COP1: variants seen among roughly 807,000 people sequenced by gnomAD.
COP1 encodes the protein E3 ubiquitin-protein ligase COP1.
Under a neutral mutation model 101.3 loss-of-function variants are expected in COP1, and 24 were observed. The ratio of observed to expected loss-of-function variants is 0.24; its 90% CI spans 0.17 to 0.33. COP1 has a LOEUF of 0.33. Ranked by LOEUF, COP1 falls within the 10% of genes least tolerant of loss-of-function variation. COP1 has a pLI of 1.00. For synonymous variants in COP1, 347 were observed against 341.9 expected, an observed-to-expected ratio of 1.01 and a Z score of -0.17; for missense variants, 663 against 906.2, an observed-to-expected ratio of 0.73 and a Z score of 3.45.
chr1:176,089,981 G>C (rs1003361835), intron 9 of COP1, among the ~76,000 whole-genome samples: 3 of 152,152 alleles, frequency 2.0e-5, no homozygotes, highest in African/African-American at 4.8e-5. Context: ...GAGATTAACT[G>C]AGAGTCCAGC....
chr1:176,149,185 C>G, intron 5 of COP1, 111 bp from the exon 6 acceptor site: 1 of 495,672 alleles, frequency 2.0e-6, no homozygotes. Flanking sequence ...CATTTAAGTT[C>G]GTCTATTATT....
intron 8 of COP1, among the ~76,000 whole-genome samples, chr1:176,120,550 C>A (rs1038923678): frequency 2.6e-5 from 4 of 152,088 alleles, no homozygotes; most frequent in Non-Finnish European, 4.4e-5. Context: ...TGAAACAGTT[C>A]TTAATGTTCT....
At chr1:176,075,142 T>G (rs1267989849) in intron 11 of COP1, among the ~76,000 whole-genome samples, 1 of 152,202 alleles carries the variant, frequency 6.6e-6, no homozygotes, top group African/African-American at 2.4e-5. Context: ...ACGTTATCAA[T>G]GATTTTTTGT....
intron 11 of COP1, among the ~76,000 whole-genome samples, chr1:176,065,580 A>G (rs1468029863): frequency 1.3e-5 from 2 of 152,230 alleles, no homozygotes. Flanking sequence ...GCTGAGGACA[A>G]TGGAAAAAGA....
chr1:176,168,462 G>GAGGGAGGA (rs1172226614), intron 3 of COP1, among the ~76,000 whole-genome samples: 1 of 145,700 alleles, frequency 6.9e-6, no homozygotes, highest in Admixed American at 7.0e-5. Flanking sequence ...GGAAGCGAGG[G>GAGGGAGGA]AGGGAGGAAG....
chr1:176,158,482 T>C (rs1463761833), intron 5 of COP1, among the ~76,000 whole-genome samples: 1 of 152,060 alleles, frequency 6.6e-6, no homozygotes, highest in African/African-American at 2.4e-5. Context: ...AAATGGGTAA[T>C]ATAAGACTTG....
At chr1:175,990,991 G>A (rs1273635110) in intron 15 of COP1, among the ~76,000 whole-genome samples, 1 of 151,738 alleles carries the variant, frequency 6.6e-6, no homozygotes, top group Non-Finnish European at 1.5e-5. Flanking sequence ...TTATTAATAG[G>A]TTGCACATCT....
At position 176,057,523 on chromosome 1, in the gene COP1, G is replaced by C. The variant is rs545288156; in HGVS notation, c.1278-11199C>G. 1.5e-3 allele frequency among the ~76,000 whole-genome samples: 228 copies of C among 152,326 alleles called. 1 individual carries two copies. The highest frequency in any genetic ancestry group is 5.2e-3 in the African/African-American group (218 of 41,590). ...TTGGTTTTCGTATTTTTTTGGTGGA[G>C]ACGGGGTTTCGCTGTGTTGGCCGGG... On this transcript the variant is annotated intron_variant, in intron 11 of 19. Transcript: ENST00000367669.
rs57110017 is a variant in COP1, at chr1:175,998,063, T to TAAAAAAA, written c.1730-8591_1730-8585dup. ...TGTACCCTAAAACTTAGAGTATAAT[T>TAAAAAAA]AAAAAAAAAAAAAAAAAAAAAAAAA... On this transcript the variant is annotated intron_variant, in intron 15 of 19. Coordinates refer to ENST00000367669, the MANE Select transcript of COP1 (RefSeq NM_022457.7). 2.1e-3 allele frequency among the ~76,000 whole-genome samples: 138 copies of TAAAAAAA among 66,810 alleles called. 2 individuals are homozygous for TAAAAAAA. The highest frequency in any genetic ancestry group is 8.0e-3 in the African/African-American group (101 of 12,698). The allele number at this position is 66,810 out of a possible 152,430, so 43.8% of individuals were successfully genotyped here. A position where few individuals can be genotyped will look rare whatever the true frequency, so the allele number is the denominator to read the frequency against.
At chr1:176,019,463 AAAT>A (rs34362717) in intron 15 of COP1, among the ~76,000 whole-genome samples, 46,817 of 132,000 alleles carry the variant, frequency 0.35, 8,549 homozygotes, top group East Asian at 0.55. Context: ...ACTCCATCTC[AAAT>A]AATAATAATA....
chr1:176,086,337 T>C (rs1183342445), intron 9 of COP1, among the ~76,000 whole-genome samples: 1 of 150,856 alleles, frequency 6.6e-6, no homozygotes, highest in East Asian at 2.0e-4. Context: ...GACATTCTCC[T>C]GCCTCAGCCT....
intron 14 of COP1, among the ~76,000 whole-genome samples, chr1:176,040,612 C>T (rs555317959): frequency 6.6e-6 from 1 of 152,162 alleles, no homozygotes; most frequent in South Asian, 2.1e-4. Flanking sequence ...GCCTGGCTGA[C>T]GAGTTCTTAA....
At chr1:176,189,854 CAAT>C (rs1482583447) in intron 1 of COP1, among the ~76,000 whole-genome samples, 1 of 151,076 alleles carries the variant, frequency 6.6e-6, no homozygotes, top group Non-Finnish European at 1.5e-5. Context: ...AATACAATAA[CAAT>C]AATTAAAAAA....
intron 1 of COP1, among the ~76,000 whole-genome samples, chr1:176,187,307 CACACATATATACACACACATAT>C (rs1343083303): frequency 1.3e-5 from 2 of 151,968 alleles, no homozygotes; most frequent in African/African-American, 2.4e-5. Context: ...TATATACATA[CACACATATATACACACACATAT>C]ACACATATAT....
chr1:176,005,556 T>C (rs1197226035), intron 15 of COP1, among the ~76,000 whole-genome samples: 1 of 152,248 alleles, frequency 6.6e-6, no homozygotes, highest in Non-Finnish European at 1.5e-5. Flanking sequence ...GTTGTGTCTT[T>C]GTTCTTGTTG....
chr1:175,977,226 A>G (rs1654802639), intron 18 of COP1, among the ~76,000 whole-genome samples: 1 of 152,186 alleles, frequency 6.6e-6, no homozygotes, highest in East Asian at 1.9e-4. Flanking sequence ...ATTCTCTACA[A>G]TGTGTAAAGA....
At chr1:176,051,022 A>G (rs1370250810) in intron 11 of COP1, among the ~76,000 whole-genome samples, 2 of 152,234 alleles carry the variant, frequency 1.3e-5, no homozygotes, top group East Asian at 1.9e-4. Flanking sequence ...ATAATAACAC[A>G]TAATTCAGCC....
intron 11 of COP1, among the ~76,000 whole-genome samples, chr1:176,067,010 G>T (rs114057101): frequency 0.012 from 1,883 of 152,168 alleles, 36 homozygotes; most frequent in African/African-American, 0.043. Flanking sequence ...TGGGCAAGAA[G>T]CTCTAGAAAC....
In COP1 at chr1:175,947,178, T is replaced by C. The variant is rs1218540573; in HGVS notation, c.2178+17A>G. On this transcript the variant is annotated intron_variant, in intron 19 of 19. Transcript: ENST00000367669. ...AATGGGCCTGAGTTTAAAATGGAGA[T>C]ATAGTAAATAGCTTACCTTAATTGT... 1.3e-6 allele frequency: 2 copies of C among 1,567,730 alleles called. No homozygotes were observed. Among genetic ancestry groups the C allele is most frequent in the Non-Finnish European group, 1.8e-6 (2 of 1,137,992 alleles).
Sources: allele counts gnomAD v4.1 joint callset (sites outside exome capture counted in the v4.1 genomes callset), GRCh38; gene constraint gnomAD v4.1.1; transcripts MANE v1.5; gene names NCBI Gene and HGNC (gene_info 2026-07-23, HGNC 2026-07-21).